The following DLGAP2 variants were observed in gnomAD, a reference collection of about 807,000 sequenced individuals.
DLGAP2 encodes the protein DLG associated protein 2, also known as disks large-associated protein 2.
DLGAP2 carries 26 observed loss-of-function variants against 100.3 expected under a neutral mutation model. The observed-to-expected ratio is 0.26, with a 90% confidence interval of 0.19 to 0.36. The LOEUF (loss-of-function observed/expected upper bound fraction) is 0.36, where lower values mean the gene tolerates loss of function less well. DLGAP2 is among the 10% of genes least tolerant of loss of function. The pLI is 1.00. For synonymous variants in DLGAP2, 886 were observed against 630.1 expected (o/e 1.41, Z -6.08); for missense variants, 1,858 against 1,453.2 (o/e 1.28, Z -4.53).
chr8:1,044,898 C>T (rs1003634828), intron 2 of DLGAP2, among the ~76,000 whole-genome samples: 2 of 152,200 alleles, frequency 1.3e-5, no homozygotes, highest in African/African-American at 4.8e-5. Context: ...ATATTCAAAC[C>T]TTCCCTGTTG....
In DLGAP2 at chr8:1,549,307, C is replaced by T. The variant is rs1449657799; in HGVS notation, c.854C>T (p.Pro285Leu). The T allele has an allele frequency of 1.2e-6, 2 of 1,612,676 alleles. No individual in the cohort carries two copies. The highest frequency in any genetic ancestry group is 1.3e-5 in the African/African-American group (1 of 75,052). Reference sequence around the variant, plus strand: ...AGGAGCAAGAGCAAGGAGCGCAAGCCGGAGGGCAAGCCCCGGCCCGGCATG... The same window carrying T: ...AGGAGCAAGAGCAAGGAGCGCAAGCTGGAGGGCAAGCCCCGGCCCGGCATG... The part of the protein sequence containing the change: ...SKRSKSKERK[P>L]EGKPRPGMSS... The change falls in exon 5 of 15, where the codon CCG becomes CTG. Residue 285 changes from proline to leucine, a missense_variant. Pro to Leu is a moderately conservative substitution (Grantham distance 98). Coordinates refer to ENST00000637795, the MANE Select transcript of DLGAP2 (RefSeq NM_001346810.2).
At chr8:1,180,072 A>T (rs976985276) in intron 2 of DLGAP2, among the ~76,000 whole-genome samples, 2 of 152,252 alleles carry the variant, frequency 1.3e-5, no homozygotes, top group African/African-American at 4.8e-5. Context: ...TTGAATGTTC[A>T]TGTTGTATCA....
chr8:763,948 G>A (rs941270299), intron 1 of DLGAP2, among the ~76,000 whole-genome samples: 5 of 152,166 alleles, frequency 3.3e-5, no homozygotes, highest in African/African-American at 1.2e-4. Context: ...GTGTTTGGAG[G>A]GCCAGGGCCT....
intron 3 of DLGAP2, among the ~76,000 whole-genome samples, chr8:1,439,570 A>G (rs1376027423): frequency 6.6e-6 from 1 of 152,148 alleles, no homozygotes; most frequent in African/African-American, 2.4e-5. Flanking sequence ...GTCCCACGGC[A>G]ACACGGTCTC....
At chr8:1,574,779 T>A (rs905566682) in intron 6 of DLGAP2, among the ~76,000 whole-genome samples, 1 of 152,186 alleles carries the variant, frequency 6.6e-6, no homozygotes, top group Non-Finnish European at 1.5e-5. Flanking sequence ...TGTATATGGT[T>A]CAACCTGATC....
At chr8:1,228,435 G>C (rs1488845163) in intron 2 of DLGAP2, among the ~76,000 whole-genome samples, 1 of 152,138 alleles carries the variant, frequency 6.6e-6, no homozygotes, top group Non-Finnish European at 1.5e-5. Flanking sequence ...TCAGAAGTTG[G>C]AGGGAGTCCC....
intron 2 of DLGAP2, among the ~76,000 whole-genome samples, chr8:1,041,379 C>T (rs76695013): frequency 0.017 from 2,524 of 152,268 alleles, 70 homozygotes; most frequent in African/African-American, 0.057. Flanking sequence ...GCATCCGTGT[C>T]GACATCCGCC....
intron 2 of DLGAP2, among the ~76,000 whole-genome samples, chr8:1,071,868 G>A (rs1331644743): frequency 6.6e-6 from 1 of 152,192 alleles, no homozygotes; most frequent in East Asian, 1.9e-4. Context: ...CTTCTGACCT[G>A]GCCCTGCAAG....
intron 6 of DLGAP2, among the ~76,000 whole-genome samples, chr8:1,610,243 A>G (rs1796951357): frequency 6.6e-6 from 1 of 152,214 alleles, no homozygotes; most frequent in Non-Finnish European, 1.5e-5. Context: ...CTCACTCAAA[A>G]CTGCTCAACT....
rs377510878 is a variant in DLGAP2, at chr8:880,476, A to T, written c.19-27436A>T. Among the ~76,000 whole-genome samples the T allele has an allele frequency of 2.0e-5, 3 of 151,724 alleles. No individual in the cohort carries two copies. The East Asian group carries it at 5.8e-4, about 30-fold the overall frequency. Reference sequence around the variant, plus strand: ...CTCCAGCCCTTGCCTGCGACATGGCATCCGTGCTGGGGAGACTTTGTAGGT... The same window carrying T: ...CTCCAGCCCTTGCCTGCGACATGGCTTCCGTGCTGGGGAGACTTTGTAGGT... On this transcript the variant is annotated intron_variant, in intron 1 of 14. Coordinates refer to ENST00000637795, the MANE Select transcript of DLGAP2 (RefSeq NM_001346810.2).
rs7845486 is a variant in DLGAP2 at position 879,809 on chromosome 8, A to G, written c.19-28103A>G. On this transcript the variant is annotated intron_variant, in intron 1 of 14. Coordinates refer to ENST00000637795, the MANE Select transcript of DLGAP2 (RefSeq NM_001346810.2). ...CTGGGCAGTGGATGCTGCTAAAAAT[A>G]AAACCATAGCAACAACAGCCTCCAC... 4.2e-3 allele frequency among the ~76,000 whole-genome samples: 639 copies of G among 152,350 alleles called. 2 individuals carry two copies. The highest frequency in any genetic ancestry group is 0.014 in the African/African-American group (600 of 41,574).
intron 1 of DLGAP2, among the ~76,000 whole-genome samples, chr8:809,197 G>A (rs981069629): frequency 4.6e-5 from 7 of 152,192 alleles, no homozygotes; most frequent in African/African-American, 7.2e-5. Context: ...GAGCCACTGC[G>A]CCCGGCCAAT....
intron 3 of DLGAP2, among the ~76,000 whole-genome samples, chr8:1,383,937 G>C (rs1305557131): frequency 6.6e-6 from 1 of 152,136 alleles, no homozygotes. Context: ...TCTCTTCTCC[G>C]ATGTGTTACA....
chr8:1,310,866 C>T (rs928854851), intron 3 of DLGAP2, among the ~76,000 whole-genome samples: 1 of 151,952 alleles, frequency 6.6e-6, no homozygotes, highest in South Asian at 2.1e-4. Context: ...ACATTAATAA[C>T]AGGAGGAAAA....
intron 1 of DLGAP2, among the ~76,000 whole-genome samples, chr8:872,577 C>T (rs1414362469): frequency 6.6e-6 from 1 of 152,174 alleles, no homozygotes; most frequent in Non-Finnish European, 1.5e-5. Context: ...GATCCACCCA[C>T]CTTGGCCTCC....
intron 14 of DLGAP2, among the ~76,000 whole-genome samples, chr8:1,699,084 A>C (rs1416563229): frequency 6.6e-6 from 1 of 152,266 alleles, no homozygotes; most frequent in Non-Finnish European, 1.5e-5. Flanking sequence ...CTGAGGGAGA[A>C]GGCTGTTCAA....
In DLGAP2 at chr8:911,152, A is replaced by G. The variant is rs1798476704; in HGVS notation, c.73+3186A>G. On this transcript the variant is annotated intron_variant, in intron 2 of 14. Transcript: ENST00000637795. ...TTCCTCCTAGCAACAGAGACCTCTTACACTTGCTTTAGTATTTTTGACCCA... is the reference window on the plus strand; with the variant it reads ...TTCCTCCTAGCAACAGAGACCTCTTGCACTTGCTTTAGTATTTTTGACCCA... 2.0e-5 allele frequency among the ~76,000 whole-genome samples: 3 copies of G among 152,270 alleles called. No individual in the cohort carries two copies. The South Asian group carries it at 6.2e-4, about 32-fold the overall frequency.
chr8:1,587,268 G>C (rs754154193), intron 6 of DLGAP2, among the ~76,000 whole-genome samples: 5 of 152,168 alleles, frequency 3.3e-5, no homozygotes, highest in Non-Finnish European at 5.9e-5. Flanking sequence ...GATTTTTATA[G>C]ATTTGCTTCT....
chr8:1,635,945 T>C (rs1797755399), intron 8 of DLGAP2, among the ~76,000 whole-genome samples: 1 of 152,196 alleles, frequency 6.6e-6, no homozygotes, highest in Non-Finnish European at 1.5e-5. Context: ...CCTTTTAATC[T>C]AATCACCAGG....
Sources: gnomAD v4.1 joint callset for allele counts (sites outside exome capture counted in the v4.1 genomes callset) on GRCh38, gnomAD v4.1.1 for gene constraint, MANE v1.5 for transcripts, NCBI Gene and HGNC (gene_info 2026-07-23, HGNC 2026-07-21) for gene names.